Variants in ARHGAP6 observed in about 807,000 individuals in gnomAD.
ARHGAP6 encodes the protein Rho GTPase activating protein 6.
Under a neutral mutation model 55.7 loss-of-function variants are expected in ARHGAP6, and 16 were observed. That is an observed-to-expected ratio of 0.29 (90% CI 0.19 to 0.44). The LOEUF (loss-of-function observed/expected upper bound fraction) is 0.44. Among genes scored for constraint, ARHGAP6 ranks in the 20% least tolerant of loss-of-function variants. The pLI is 1.00. For missense variants in ARHGAP6, 698 were observed against 808.9 expected (o/e 0.86, Z 1.66); for synonymous variants, 382 against 360.9 (o/e 1.06, Z -0.66).
At chrX:11,497,559 T>TTCTC (rs34138329) in intron 1 of ARHGAP6, among the ~76,000 whole-genome samples, 3,811 of 41,068 alleles carry the variant, frequency 0.093, 301 homozygotes, top group East Asian at 0.26. Flanking sequence ...CCCTCCCTCC[T>TTCTC]TCTCTCTCTC....
At chrX:11,322,189 A>T (rs1319411892) in intron 1 of ARHGAP6, among the ~76,000 whole-genome samples, 1 of 111,547 alleles carries the variant, frequency 9.0e-6, no homozygotes, top group African/African-American at 3.3e-5. Context: ...TTTGGGCGAG[A>T]TCACTTGTTT....
At chrX:11,411,220 T>TATATATATATATATATAA (rs1347446515) in intron 1 of ARHGAP6, among the ~76,000 whole-genome samples, 1 of 83,087 alleles carries the variant, frequency 1.2e-5, no homozygotes, top group Non-Finnish European at 2.3e-5. Flanking sequence ...TATATATATA[T>TATATATATATATATATAA]ATAAAATATA....
intron 1 of ARHGAP6, among the ~76,000 whole-genome samples, chrX:11,479,302 CTG>C (rs2050433004): frequency 8.9e-6 from 1 of 112,079 alleles, no homozygotes; most frequent in Non-Finnish European, 1.9e-5. Context: ...AGTGGTATGA[CTG>C]TACAACCAGC....
rs747592448 is a variant in ARHGAP6 at position 11,198,007 on chromosome X, C to T, written c.749-1011G>A. On this transcript the variant is annotated intron_variant, in intron 2 of 12. Transcript: ENST00000337414. ...GATTAAGAATTGTTTGTACAGGACA[C>T]ACTAAAAATGTAAAGAAAGAGATTC... Among the ~76,000 whole-genome samples the T allele has an allele frequency of 8.1e-5, 9 of 111,767 alleles. No homozygotes were observed. The South Asian group carries it at 1.5e-3, about 19-fold the overall frequency.
intron 1 of ARHGAP6, among the ~76,000 whole-genome samples, chrX:11,611,173 G>A (rs1338036476): frequency 8.9e-6 from 1 of 112,383 alleles, no homozygotes; most frequent in Admixed American, 9.4e-5. Flanking sequence ...ATATGCATTA[G>A]TTTTAATCAG....
At chrX:11,645,562 G>T (rs1443514236) in intron 1 of ARHGAP6, among the ~76,000 whole-genome samples, 1 of 111,940 alleles carries the variant, frequency 8.9e-6, no homozygotes, top group African/African-American at 3.2e-5. Context: ...ACAAACATAC[G>T]TATTTTATTT....
intron 1 of ARHGAP6, among the ~76,000 whole-genome samples, chrX:11,458,396 G>C (rs991723083): frequency 1.1e-4 from 12 of 112,343 alleles, no homozygotes. Flanking sequence ...CCAAAATCCA[G>C]TGCATGTAAA....
intron 1 of ARHGAP6, among the ~76,000 whole-genome samples, chrX:11,339,574 A>G (rs1027698480): frequency 1.8e-5 from 2 of 111,240 alleles, no homozygotes; most frequent in Non-Finnish European, 3.8e-5. Context: ...AATATCAGTG[A>G]ATAAATTGTT....
chrX:11,507,253 C>T (rs1467519334), intron 1 of ARHGAP6, among the ~76,000 whole-genome samples: 7 of 109,564 alleles, frequency 6.4e-5, no homozygotes, highest in Middle Eastern at 9.7e-3. Context: ...CGGTTATTGG[C>T]TCTTTGCAGG....
chrX:11,623,675 C>A (rs1286739038), intron 1 of ARHGAP6, among the ~76,000 whole-genome samples: 1 of 86,629 alleles, frequency 1.2e-5, no homozygotes, highest in Non-Finnish European at 2.1e-5. Flanking sequence ...CCAGCCTGGG[C>A]GACGGAGTGA....
intron 1 of ARHGAP6, among the ~76,000 whole-genome samples, chrX:11,324,067 C>T (rs2048469534): frequency 9.0e-6 from 1 of 111,042 alleles, no homozygotes; most frequent in African/African-American, 3.3e-5. Context: ...ACAATTCTGA[C>T]TGAAAAATTA....
chrX:11,558,013 T>C (rs1000033435), intron 1 of ARHGAP6, among the ~76,000 whole-genome samples: 1 of 111,766 alleles, frequency 8.9e-6, no homozygotes, highest in African/African-American at 3.3e-5. Flanking sequence ...TAAAGAAAGC[T>C]GGAATGGCCC....
intron 1 of ARHGAP6, among the ~76,000 whole-genome samples, chrX:11,375,285 C>T (rs769942810): frequency 5.4e-5 from 6 of 112,008 alleles, no homozygotes; most frequent in Non-Finnish European, 9.4e-5. Flanking sequence ...TCTGCAATGT[C>T]CATACATGAA....
intron 1 of ARHGAP6, among the ~76,000 whole-genome samples, chrX:11,472,861 G>A (rs1485344619): frequency 9.0e-6 from 1 of 110,619 alleles, no homozygotes; most frequent in African/African-American, 3.3e-5. Context: ...GCCAAGATGG[G>A]TCCCATTGTC....
intron 1 of ARHGAP6, among the ~76,000 whole-genome samples, chrX:11,404,018 G>A (rs1437685214): frequency 8.9e-6 from 1 of 112,076 alleles, no homozygotes; most frequent in Admixed American, 9.5e-5. Context: ...GAGAGAAAAC[G>A]TTGCATTTAT....
intron 1 of ARHGAP6, among the ~76,000 whole-genome samples, chrX:11,442,652 G>A (rs887330404): frequency 3.6e-5 from 4 of 112,375 alleles, no homozygotes; most frequent in African/African-American, 1.3e-4. Flanking sequence ...GAAAGCCCAG[G>A]AGCACGCAGT....
intron 1 of ARHGAP6, among the ~76,000 whole-genome samples, chrX:11,573,344 T>C (rs1364673450): frequency 9.1e-6 from 1 of 109,751 alleles, no homozygotes; most frequent in Non-Finnish European, 1.9e-5. Context: ...CTTTCATCCA[T>C]CTTGAATTCA....
intron 1 of ARHGAP6, among the ~76,000 whole-genome samples, chrX:11,322,369 C>G (rs1265861): frequency 9.3e-6 from 1 of 107,119 alleles, no homozygotes; most frequent in African/African-American, 3.4e-5. Context: ...GCATATTTTT[C>G]TTTTTTGAGA....
At chrX:11,491,581 G>T (rs1410748865) in intron 1 of ARHGAP6, among the ~76,000 whole-genome samples, 9 of 112,082 alleles carry the variant, frequency 8.0e-5, no homozygotes, top group African/African-American at 1.3e-4. Context: ...CCATGGTGTA[G>T]ATGTGCCACA....
Sources: gnomAD v4.1 joint callset for allele counts (sites outside exome capture counted in the v4.1 genomes callset) on GRCh38, gnomAD v4.1.1 for gene constraint, MANE v1.5 for transcripts, NCBI Gene and HGNC (gene_info 2026-07-23, HGNC 2026-07-21) for gene names.